The following TRPM1 variants were observed in gnomAD, a reference collection of about 807,000 sequenced individuals.
The protein encoded by TRPM1 is TRPM1-203 APA Isoform, Intron 10.
Under a neutral mutation model 149.4 loss-of-function variants are expected in TRPM1, and 113 were observed. The observed-to-expected ratio is 0.76, with a 90% confidence interval of 0.65 to 0.88. The LOEUF (loss-of-function observed/expected upper bound fraction) is 0.88. TRPM1 is among the 40% of genes least tolerant of loss of function. The pLI, the probability that TRPM1 is intolerant of heterozygous loss-of-function variation, is 0.00. For synonymous variants in TRPM1, 741 were observed against 759.5 expected, an observed-to-expected ratio of 0.98 and a Z score of 0.40; for missense variants, 1,976 against 2,038.7, an observed-to-expected ratio of 0.97 and a Z score of 0.59.
intron 27 of TRPM1, among the ~76,000 whole-genome samples, chr15:31,025,329 C>T (rs1187268980): frequency 2.0e-5 from 3 of 152,154 alleles, no homozygotes; most frequent in Non-Finnish European, 4.4e-5. Flanking sequence ...TCAAAACTTA[C>T]GTGATAAAAA....
chr15:31,113,970 T>C (rs983484027), intron 1 of TRPM1, among the ~76,000 whole-genome samples: 2 of 151,310 alleles, frequency 1.3e-5, no homozygotes, highest in Admixed American at 1.3e-4. Context: ...TACAGAGTGC[T>C]GATTGGTCCA....
At chr15:31,011,906 C>A (rs1272192837) in intron 27 of TRPM1, among the ~76,000 whole-genome samples, 1 of 152,122 alleles carries the variant, frequency 6.6e-6, no homozygotes, top group Non-Finnish European at 1.5e-5. Context: ...TCAGGTGATC[C>A]ACCTGCCTTC....
At chr15:31,113,902 G>A (rs1034322083) in intron 1 of TRPM1, among the ~76,000 whole-genome samples, 2 of 152,176 alleles carry the variant, frequency 1.3e-5, no homozygotes, top group African/African-American at 4.8e-5. Flanking sequence ...TGGCTAACGG[G>A]TGGGCAGCTT....
At chr15:31,004,527 T>C (rs1402302726) in intron 27 of TRPM1, among the ~76,000 whole-genome samples, 1 of 152,164 alleles carries the variant, frequency 6.6e-6, no homozygotes, top group Non-Finnish European at 1.5e-5. Flanking sequence ...CCTTGGCTTC[T>C]ATTCTTAACT....
chr15:31,113,433 T>TTC (rs368803836), intron 1 of TRPM1, among the ~76,000 whole-genome samples: 9 of 22,088 alleles, frequency 4.1e-4, no homozygotes, highest in African/African-American at 1.4e-3. Flanking sequence ...GCTCTGACAG[T>TTC]TTTTTTTTTT....
chr15:31,125,674 G>A (rs2035939166), intron 1 of TRPM1, among the ~76,000 whole-genome samples: 1 of 129,614 alleles, frequency 7.7e-6, no homozygotes, highest in Admixed American at 8.7e-5. Flanking sequence ...AGCTTGCAGT[G>A]AGCCGAGATC....
chr15:31,133,861 C>A (rs889176821), intron 1 of TRPM1, among the ~76,000 whole-genome samples: 2 of 152,112 alleles, frequency 1.3e-5, no homozygotes, highest in Admixed American at 6.6e-5. Context: ...CCCTCTGGAG[C>A]TTTTCCTCAA....
chr15:31,149,683 C>T (rs2036270265), intron 1 of TRPM1, among the ~76,000 whole-genome samples: 1 of 152,116 alleles, frequency 6.6e-6, no homozygotes, highest in Non-Finnish European at 1.5e-5. Context: ...CCGCGCCTGG[C>T]TAATTTTTTG....
chr15:31,068,744 C>CAAAA (rs60411633), intron 4 of TRPM1, among the ~76,000 whole-genome samples: 74 of 60,202 alleles, frequency 1.2e-3, no homozygotes, highest in African/African-American at 3.2e-3. Flanking sequence ...AACTCCAACT[C>CAAAA]AAAAAAAAAA....
chr15:31,050,192 C>A (rs979244173), intron 12 of TRPM1, among the ~76,000 whole-genome samples: 2 of 152,222 alleles, frequency 1.3e-5, no homozygotes, highest in East Asian at 1.9e-4. Flanking sequence ...TGGCATCATT[C>A]CCCCCAAAGC....
chr15:31,061,341 G>T, intron 10 of TRPM1, 101 bp downstream of exon 10: 1 of 1,200,472 alleles, frequency 8.3e-7, no homozygotes, highest in Non-Finnish European at 1.2e-6. Flanking sequence ...CTGGCTCAGG[G>T]TCTAGCACCA....
At chr15:31,089,890 T>G (rs1444994493) in intron 1 of TRPM1, among the ~76,000 whole-genome samples, 8 of 152,208 alleles carry the variant, frequency 5.3e-5, no homozygotes, top group Non-Finnish European at 8.8e-5. Context: ...GGAACTGATG[T>G]CACCTGGGGC....
At chr15:31,073,939 C>T (rs2034624726) in intron 3 of TRPM1, among the ~76,000 whole-genome samples, 1 of 152,148 alleles carries the variant, frequency 6.6e-6, no homozygotes. Context: ...AAGTCTTTTG[C>T]TGTGCCTATT....
intron 11 of TRPM1, among the ~76,000 whole-genome samples, chr15:31,054,209 TATAA>T (rs1486697630): frequency 1.3e-5 from 2 of 152,220 alleles, no homozygotes; most frequent in Non-Finnish European, 2.9e-5. Context: ...TATGATTCAA[TATAA>T]ATAAATAAAT....
Position 31,060,527 on chromosome 15 carries a change from A to G in TRPM1, c.1263+17T>C, listed in dbSNP as rs775458102. ...AAGTCAAGATCAATGATATGAATCG[A>G]AAAAAAACAGTTTCACCGGCCAGTG... is the stretch of plus-strand genomic sequence containing the variant. On this transcript the variant is annotated intron_variant, in intron 11 of 27. Coordinates refer to ENST00000256552, the MANE Select transcript of TRPM1 (RefSeq NM_001252024.2). 1 of 1,603,954 alleles carries G rather than the reference A, an allele frequency of 6.2e-7. No homozygotes were observed. The highest frequency in any genetic ancestry group is 1.7e-5 in the Admixed American group (1 of 59,858).
chr15:31,136,453 G>T (rs570322278), intron 1 of TRPM1, among the ~76,000 whole-genome samples: 1 of 152,212 alleles, frequency 6.6e-6, no homozygotes, highest in Non-Finnish European at 1.5e-5. Flanking sequence ...CACATGGAAT[G>T]CCATGTGTGG....
upstream of TRPM1, among the ~76,000 whole-genome samples, chr15:31,105,486 C>T (rs544267043): frequency 6.6e-5 from 10 of 150,818 alleles, no homozygotes; most frequent in South Asian, 1.3e-3. Flanking sequence ...CGCGCGCGCG[C>T]GTGCATCTGT....
intron 1 of TRPM1, among the ~76,000 whole-genome samples, chr15:31,143,982 G>A (rs546437209): frequency 6.6e-6 from 1 of 152,256 alleles, no homozygotes; most frequent in East Asian, 1.9e-4. Context: ...GCTTTGACTG[G>A]AATGTCATAT....
At chr15:31,069,273 C>A (rs2034464937) in intron 4 of TRPM1, 4 of 334,772 alleles carry the variant, frequency 1.2e-5, no homozygotes, top group Non-Finnish European at 1.7e-5. Context: ...ATGAACTTGA[C>A]CTCTTCAAAG....
Sources: allele counts gnomAD v4.1 joint callset (sites outside exome capture counted in the v4.1 genomes callset), GRCh38; gene constraint gnomAD v4.1.1; transcripts MANE v1.5; gene names NCBI Gene and HGNC (gene_info 2026-07-23, HGNC 2026-07-21).